The following ESPL1 variants were observed in gnomAD, a reference collection of about 807,000 sequenced individuals.
The protein encoded by ESPL1 is extra spindle pole bodies like 1, separase, also known as separin.
Under a neutral mutation model 217.2 loss-of-function variants are expected in ESPL1, and 50 were observed. That is an observed-to-expected ratio of 0.23 (90% CI 0.18 to 0.29). ESPL1 has a LOEUF of 0.29. Among genes scored for constraint, ESPL1 ranks in the 10% least tolerant of loss-of-function variants. ESPL1 has a pLI of 1.00. For missense variants in ESPL1, 1,834 were observed against 2,603.0 expected, an observed-to-expected ratio of 0.70 and a Z score of 6.43; for synonymous variants, 994 against 1,081.3, an observed-to-expected ratio of 0.92 and a Z score of 1.58.
At position 53,288,687 on chromosome 12, in the gene ESPL1, C is replaced by G. The variant is rs1470209804; in HGVS notation, c.4696C>G (p.Pro1566Ala). The change falls in exon 20 of 31, where the codon CCC becomes GCC. Residue 1566 changes from proline to alanine, a missense_variant. Transcript: ENST00000257934. Reference protein sequence around the residue: ...LGPRLRLPSAPVATGLSTLDS... With the variant: ...LGPRLRLPSAAVATGLSTLDS... Reference sequence around the variant, plus strand: ...TCCTCGGCTCCGGCTCCCCTCAGCCCCCGTAGCCACTGGTGAATATGCGAC... The same window carrying G: ...TCCTCGGCTCCGGCTCCCCTCAGCCGCCGTAGCCACTGGTGAATATGCGAC... The G allele has an allele frequency of 6.2e-7, 1 of 1,611,786 alleles. No homozygotes were observed. The highest frequency in any genetic ancestry group is 8.5e-7 in the Non-Finnish European group (1 of 1,179,444).
intron 7 of ESPL1, 125 bp from the exon 8 acceptor site, chr12:53,276,495 T>A: frequency 8.8e-7 from 1 of 1,130,764 alleles, no homozygotes; most frequent in Non-Finnish European, 1.2e-6. Flanking sequence ...CTGATTTAAA[T>A]TTTTAAAGCC....
chr12:53,289,770 C>G lies in ESPL1; in HGVS notation c.5113+176C>G, dbSNP rs1483534990. Reference sequence around the variant, plus strand: ...AAGGTTTGTTGTTTTTTTTAAACCTCAACTTTGAATTACCAGCAAATTCAG... The same window carrying G: ...AAGGTTTGTTGTTTTTTTTAAACCTGAACTTTGAATTACCAGCAAATTCAG... On this transcript the variant is annotated intron_variant, in intron 22 of 30. Coordinates refer to ENST00000257934, the MANE Select transcript of ESPL1 (RefSeq NM_012291.5). 7 of 638,748 alleles carry G rather than the reference C, an allele frequency of 1.1e-5. No individual in the cohort carries two copies. In the East Asian group the frequency reaches 2.0e-4, roughly 18 times the overall value. The allele number at this position is 638,748 out of a possible 1,614,324, so 39.6% of individuals were successfully genotyped here. A position where few individuals can be genotyped will look rare whatever the true frequency, so the allele number is the denominator to read the frequency against.
In ESPL1 at chr12:53,272,848, T is replaced by C. The variant is rs1565752375; in HGVS notation, c.1497T>C (p.Pro499=). Reference sequence around the variant, plus strand: ...AGCCAGGCACTTATCCCGAGGTGCCTCCTGAGAAGGTACAAGGGAATGAGA... The same window carrying C: ...AGCCAGGCACTTATCCCGAGGTGCCCCCTGAGAAGGTACAAGGGAATGAGA... ...LVKPGTYPEV[P]PEKLHRCFRL... Residue 499 remains proline, a synonymous_variant, in exon 6 of 31, where the codon CCT becomes CCC. Coordinates refer to ENST00000257934, the MANE Select transcript of ESPL1 (RefSeq NM_012291.5). 1.9e-6 allele frequency: 3 copies of C among 1,613,728 alleles called. No individual in the cohort carries two copies. The highest frequency in any genetic ancestry group is 2.5e-6 in the Non-Finnish European group (3 of 1,179,978).
In ESPL1 at chr12:53,285,708, CAAAAA is replaced by C. The variant is rs376343410; in HGVS notation, c.3188-210_3188-206del. Among the ~76,000 whole-genome samples, 3 of 123,768 alleles carry C rather than the reference CAAAAA, an allele frequency of 2.4e-5. No individual in the cohort carries two copies. In the East Asian group the frequency reaches 6.8e-4, roughly 28 times the overall value. 81.2% of individuals were successfully genotyped at this position (123,768 alleles called of 152,430 possible). A position where few individuals can be genotyped will look rare whatever the true frequency, so the allele number is the denominator to read the frequency against. On this transcript the variant is annotated intron_variant, in intron 17 of 30. Transcript: ENST00000257934. Reference sequence around the variant, plus strand: ...TGGGCGACAGAGAGAGACTCCATCTCAAAAAAAAAAGAAAAAAAGAAAAAGATTTT... The same window carrying C: ...TGGGCGACAGAGAGAGACTCCATCTCAAAAAGAAAAAAAGAAAAAGATTTT...
intron 6 of ESPL1, 79 bp from the exon 7 acceptor site, chr12:53,274,738 C>A: frequency 8.3e-7 from 1 of 1,199,990 alleles, no homozygotes. Context: ...GTGTATGTAC[C>A]TATTGCATGC....
chr12:53,286,699 A>G lies in ESPL1; in HGVS notation c.3963A>G (p.Gln1321=). 1 of 1,614,156 alleles carries G rather than the reference A, an allele frequency of 6.2e-7. No individual in the cohort carries two copies. The highest frequency in any genetic ancestry group is 1.1e-5 in the South Asian group (1 of 91,086). The part of the protein sequence containing the change: ...QGQKRSGRGR[Q]KLASAPLRLN... The stretch of plus-strand genomic sequence containing the variant: ...AAAAACGTTCTGGACGAGGGCGCCA[A>G]AAGTTAGCCTCTGCTCCCCTGCGCC... Residue 1321 remains glutamine (Q), a synonymous_variant, in exon 18 of 31, where the codon CAA becomes CAG. Transcript: ENST00000257934. This position sits in a 1 kb window ranked among gnomAD's most constrained non-coding sequence, Gnocchi z 5.3.
At position 53,286,965 on chromosome 12, in the gene ESPL1, C is replaced by T. The variant is rs1943959238; in HGVS notation, c.4176+53C>T. 6.6e-7 allele frequency: 1 copy of T among 1,522,756 alleles called. No homozygotes were observed. Among genetic ancestry groups the T allele is most frequent in the Non-Finnish European group, 8.8e-7 (1 of 1,134,266 alleles). 94.3% of individuals were successfully genotyped at this position (1,522,756 alleles called of 1,614,324 possible). On this transcript the variant is annotated intron_variant, in intron 18 of 30. Transcript: ENST00000257934. The surrounding 1 kb of genome is among the most constrained non-coding windows in gnomAD (Gnocchi z 5.3). Reference sequence around the variant, plus strand: ...GTGATGGTGTTGGATGGGGTTAGTCCTGGAGGAGAGTGTTTTATAGAGCAG... The same window carrying T: ...GTGATGGTGTTGGATGGGGTTAGTCTTGGAGGAGAGTGTTTTATAGAGCAG...
In ESPL1 at chr12:53,291,009, A is replaced by C; in HGVS notation, c.5520+13A>C. On this transcript the variant is annotated intron_variant, in intron 25 of 30. Coordinates refer to ENST00000257934, the MANE Select transcript of ESPL1 (RefSeq NM_012291.5). ...CACTCTGCTGAAAGTGAGTGAGGAA[A>C]GCAGGGAAGGGGGCCAGGCCCAGTG... 2 of 1,568,028 alleles carry C rather than the reference A, an allele frequency of 1.3e-6. No homozygotes were observed. Among genetic ancestry groups the C allele is most frequent in the Non-Finnish European group, 1.7e-6 (2 of 1,156,000 alleles).
rs1943774502 is a variant in ESPL1 at position 53,276,880 on chromosome 12, A to G, written c.1940+21A>G. ...AACTGGTAAGGAGTAGTAGCTGCAGAGGCCACTCTTGCTCCTTGCCCTAGG... is the reference window on the plus strand; with the variant it reads ...AACTGGTAAGGAGTAGTAGCTGCAGGGGCCACTCTTGCTCCTTGCCCTAGG... On this transcript the variant is annotated intron_variant, in intron 8 of 30. Transcript: ENST00000257934. 1.9e-6 allele frequency: 3 copies of G among 1,611,256 alleles called. No individual in the cohort carries two copies. The East Asian group carries it at 6.7e-5, about 36-fold the overall frequency.
In ESPL1 at chr12:53,288,626, C is replaced by T; in HGVS notation, c.4635C>T (p.Ser1545=). 1.2e-6 allele frequency: 2 copies of T among 1,613,940 alleles called. No homozygotes were observed. Among genetic ancestry groups the T allele is most frequent in the Non-Finnish European group, 1.7e-6 (2 of 1,179,986 alleles). Reference sequence around the variant, plus strand: ...ATTCCAGCAAGAAGAAGCTGCCCAGCCCATGCCCAGACAAGGAGAGTGACA... The same window carrying T: ...ATTCCAGCAAGAAGAAGCTGCCCAGTCCATGCCCAGACAAGGAGAGTGACA... ...RLDSSKKKLP[S]PCPDKESDKD... is the part of the protein sequence containing the mutation. Residue 1545 remains serine (S), a synonymous_variant, in exon 20 of 31, where the codon AGC becomes AGT. Coordinates refer to ENST00000257934, the MANE Select transcript of ESPL1 (RefSeq NM_012291.5).
intron 6 of ESPL1, 59 bp downstream of exon 6, chr12:53,272,916 G>A (rs372220082): frequency 5.3e-5 from 85 of 1,590,422 alleles, no homozygotes; most frequent in Middle Eastern, 4.4e-4. Flanking sequence ...CGGGGGGAGC[G>A]GGGAAGGGCC....
rs1005793236 is a variant in ESPL1 at position 53,283,193 on chromosome 12, G to C, written c.2856G>C (p.Leu952=). The part of the protein sequence containing the change: ...SHKLLRSIIL[L]LMGSDILSTQ... ...AGCTCCTCCGAAGCATCATCCTCCT[G>C]CTGATGGGCAGTGACATTCTCTCAA... is the stretch of plus-strand genomic sequence containing the variant. Residue 952 remains leucine, a synonymous_variant, in exon 15 of 31, where the codon CTG becomes CTC. Coordinates refer to ENST00000257934, the MANE Select transcript of ESPL1 (RefSeq NM_012291.5). 1 of 1,614,192 alleles carries C rather than the reference G, an allele frequency of 6.2e-7. No individual in the cohort carries two copies. Among genetic ancestry groups the C allele is most frequent in the African/African-American group, 1.3e-5 (1 of 75,048 alleles).
chr12:53,277,513 A>G lies in ESPL1; in HGVS notation c.2129A>G (p.Glu710Gly), dbSNP rs1943791557. ...AGAGCCCAGGCCCCTGGTAACTTGG[A>G]GGAATTTGAAGTCAATGACCTGAAC... is the stretch of plus-strand genomic sequence containing the variant. The part of the protein sequence containing the change: ...DRRAQAPGNL[E>G]EFEVNDLNYE... Residue 710 changes from glutamate to glycine, a missense_variant, in exon 10 of 31, where the codon GAG becomes GGG. Around this residue, in one of 5 missense-constraint regions of ESPL1, gnomAD observed 746 missense variants for 1,077.0 expected, o/e 0.69. Transcript: ENST00000257934. The G allele has an allele frequency of 1.2e-6, 2 of 1,614,146 alleles. No homozygotes were observed. The highest frequency in any genetic ancestry group is 1.7e-6 in the Non-Finnish European group (2 of 1,180,010).
rs1943942872 is a variant in ESPL1, at chr12:53,286,107, A to C, written c.3371A>C (p.Asn1124Thr). 1 of 1,612,584 alleles carries C rather than the reference A, an allele frequency of 6.2e-7. No individual in the cohort carries two copies. Among genetic ancestry groups the C allele is most frequent in the African/African-American group, 1.3e-5 (1 of 74,674 alleles). Residue 1124 changes from asparagine (N) to threonine (T), a missense_variant, in exon 18 of 31, where the codon AAC becomes ACC. Physicochemically the swap from Asn to Thr is moderately conservative, Grantham distance 65. Transcript: ENST00000257934. The surrounding 1 kb of genome is among the most constrained non-coding windows in gnomAD (Gnocchi z 5.3). The part of the protein sequence containing the change: ...KEPGPIAPST[N>T]SSPVLKTKPQ... ...CCTGGCCCCATAGCACCTTCTACAA[A>C]CTCCTCCCCAGTCTTGAAAACCAAG... is the stretch of plus-strand genomic sequence containing the variant.
rs568951528 is a variant in ESPL1, at chr12:53,289,244, C to T, written c.4863C>T (p.Thr1621=). The T allele has an allele frequency of 3.8e-4, 607 of 1,612,798 alleles. 7 individuals are homozygous for T. In the South Asian group the frequency reaches 6.1e-3, roughly 16 times the overall value. The change falls in exon 21 of 31, where the codon ACC becomes ACT. Residue 1621 remains threonine, a synonymous_variant. Transcript: ENST00000257934. ...RDPYATAFLV[T]ESVSITCRHQ... ...CTTATGCCACTGCTTTCCTTGTCAC[C>T]GAGTCTGTCTCCATCACCTGTCGCC... is the stretch of plus-strand genomic sequence containing the variant.
chr12:53,290,082 C>T lies in ESPL1; in HGVS notation c.5114-3C>T. The T allele has an allele frequency of 6.2e-7, 1 of 1,612,110 alleles. No homozygotes were observed. The highest frequency in any genetic ancestry group is 2.2e-5 in the East Asian group (1 of 44,886). On this transcript the variant is annotated splice_polypyrimidine_tract_variant and splice_region_variant and intron_variant, in intron 22 of 30. Coordinates refer to ENST00000257934, the MANE Select transcript of ESPL1 (RefSeq NM_012291.5). ...ATGAGTCTGGCTGTATCCTGTGTGT[C>T]AGGGGTGACTGTGTGTGTGTTGGCC...
In ESPL1 at chr12:53,286,108, C is replaced by A; in HGVS notation, c.3372C>A (p.Asn1124Lys). Residue 1124 changes from asparagine (N) to lysine (K), a missense_variant, in exon 18 of 31, where the codon AAC becomes AAA. This residue lies in a region of ESPL1 where 681 missense variants were observed against 808.0 expected (regional missense o/e 0.84). Transcript: ENST00000257934. This position sits in a 1 kb window ranked among gnomAD's most constrained non-coding sequence, Gnocchi z 5.3. Reference sequence around the variant, plus strand: ...CTGGCCCCATAGCACCTTCTACAAACTCCTCCCCAGTCTTGAAAACCAAGC... The same window carrying A: ...CTGGCCCCATAGCACCTTCTACAAAATCCTCCCCAGTCTTGAAAACCAAGC... ...KEPGPIAPST[N>K]SSPVLKTKPQ... The A allele has an allele frequency of 6.2e-7, 1 of 1,613,588 alleles. No individual in the cohort carries two copies. Among genetic ancestry groups the A allele is most frequent in the Non-Finnish European group, 8.5e-7 (1 of 1,179,518 alleles).
chr12:53,274,541 G>A, intron 6 of ESPL1: 1 of 328,068 alleles, frequency 3.0e-6, no homozygotes. Flanking sequence ...TCAGGAGAAG[G>A]CAGTGCCATT....
Position 53,286,787 on chromosome 12 carries a change from G to A in ESPL1, c.4051G>A (p.Asp1351Asn). The A allele has an allele frequency of 6.2e-7, 1 of 1,614,146 alleles. No individual in the cohort carries two copies. Residue 1351 changes from aspartate to asparagine, a missense_variant, in exon 18 of 31, where the codon GAC becomes AAC. By Grantham distance (23) the Asp-to-Asn change is conservative. This residue lies in a region of ESPL1 where 681 missense variants were observed against 808.0 expected (regional missense o/e 0.84). Coordinates refer to ENST00000257934, the MANE Select transcript of ESPL1 (RefSeq NM_012291.5). The surrounding 1 kb of genome is among the most constrained non-coding windows in gnomAD (Gnocchi z 5.3). ...ACTGCCCTGCACACCTAAACCCCCA[G>A]ACCGGATCAGGCAAGCTGGCCCTCA... ...RGLPCTPKPP[D>N]RIRQAGPHVP... is the part of the protein sequence containing the mutation.
Sources: allele counts gnomAD v4.1 joint callset (sites outside exome capture counted in the v4.1 genomes callset), GRCh38; gene constraint gnomAD v4.1.1; regional missense constraint gnomAD v4.1.1; non-coding constraint Gnocchi (gnomAD v3.1); transcripts MANE v1.5; gene names NCBI Gene and HGNC (gene_info 2026-07-23, HGNC 2026-07-21).